Variants in RWDD3 observed in about 807,000 individuals in gnomAD.
RWDD3 encodes RWD domain containing 3, also known as RWD domain-containing protein 3.
A neutral mutation model predicts 26.5 loss-of-function variants in RWDD3; 30 were observed. That is an observed-to-expected ratio of 1.13 (90% CI 0.85 to 1.54). The LOEUF is 1.54. RWDD3 is among the 40% of genes most tolerant of loss of function. The pLI, the probability that RWDD3 is intolerant of heterozygous loss-of-function variation, is 0.00. For missense variants in RWDD3, 296 were observed against 309.1 expected (o/e 0.96, Z 0.32); for synonymous variants, 113 against 114.5 (o/e 0.99, Z 0.09).
intron 2 of RWDD3, 29 bp downstream of exon 2, chr1:95,244,727 A>G (rs762759972): frequency 6.3e-7 from 1 of 1,597,808 alleles, no homozygotes; most frequent in East Asian, 2.2e-5. Flanking sequence ...TTGAGTATGA[A>G]TCTGGCTATT....
At chr1:95,242,022 A>G (rs2101113644) in intron 1 of RWDD3, among the ~76,000 whole-genome samples, 1 of 152,270 alleles carries the variant, frequency 6.6e-6, no homozygotes, top group Non-Finnish European at 1.5e-5. Context: ...GGCTGCTTTC[A>G]GCCAAATCTT....
chr1:95,241,972 T>C (rs1360094051), intron 1 of RWDD3, among the ~76,000 whole-genome samples: 2 of 152,192 alleles, frequency 1.3e-5, no homozygotes, highest in East Asian at 3.9e-4. Flanking sequence ...ATTCCCTTGT[T>C]ATTTGCTCTT....
chr1:95,234,958 T>A (rs1396302530), intron 1 of RWDD3, among the ~76,000 whole-genome samples: 1 of 152,086 alleles, frequency 6.6e-6, no homozygotes, highest in Non-Finnish European at 1.5e-5. Flanking sequence ...AGTGGATCCA[T>A]CTGGACTCAC....
At chr1:95,241,744 C>T (rs1311962747) in intron 1 of RWDD3, among the ~76,000 whole-genome samples, 1 of 152,162 alleles carries the variant, frequency 6.6e-6, no homozygotes, top group Non-Finnish European at 1.5e-5. Flanking sequence ...GGGTTCTGCT[C>T]CTGAATCTGC....
chr1:95,241,621 C>T (rs1479823096), intron 1 of RWDD3, among the ~76,000 whole-genome samples: 2 of 152,202 alleles, frequency 1.3e-5, no homozygotes, highest in African/African-American at 4.8e-5. Context: ...GCCCTTTGCT[C>T]AGAAGGCATT....
At chr1:95,242,886 TC>T (rs989778448) in intron 1 of RWDD3, among the ~76,000 whole-genome samples, 11 of 151,746 alleles carry the variant, frequency 7.2e-5, no homozygotes, top group Non-Finnish European at 1.3e-4. Context: ...GCCACTGCAC[TC>T]CAGCCTGGGC....
Position 95,234,325 on chromosome 1 carries a change from C to A in RWDD3, c.85+10C>A, listed in dbSNP as rs753247419. ...GTGCTGAGCCGCTCAGGTGACTACC[C>A]GCGCGCGGGAGGGACAGGGCGCCCT... On this transcript the variant is annotated intron_variant, in intron 1 of 3. Coordinates refer to ENST00000370202, the MANE Select transcript of RWDD3 (RefSeq NM_015485.5). 2 of 1,583,816 alleles carry A rather than the reference C, an allele frequency of 1.3e-6. No individual in the cohort carries two copies. Among genetic ancestry groups the A allele is most frequent in the Admixed American group, 3.6e-5 (2 of 56,024 alleles).
At chr1:95,239,880 C>G in intron 1 of RWDD3, 1 of 1,289,792 alleles carries the variant, frequency 7.8e-7, no homozygotes, top group South Asian at 1.2e-5. Flanking sequence ...ATGTTTCTTT[C>G]CTGTGGTTCC....
At chr1:95,234,400 G>A (rs1226472406) in intron 1 of RWDD3, 85 bp downstream of exon 1, 1 of 1,309,184 alleles carries the variant, frequency 7.6e-7, no homozygotes, top group Non-Finnish European at 1.1e-6. Context: ...ACGGAGCCTG[G>A]GCACCCCGCC....
chr1:95,238,050 G>A (rs1401815839), intron 1 of RWDD3, among the ~76,000 whole-genome samples: 1 of 152,142 alleles, frequency 6.6e-6, no homozygotes. Context: ...TCTATGAGAG[G>A]CGTGAGATTG....
chr1:95,238,880 T>G (rs996493432), intron 1 of RWDD3, among the ~76,000 whole-genome samples: 85 of 152,286 alleles, frequency 5.6e-4, no homozygotes, highest in African/African-American at 2.0e-3. Flanking sequence ...CTGTTTGGAA[T>G]GTGTTTAGGA....
At chr1:95,234,442 A>C in intron 1 of RWDD3, 127 bp downstream of exon 1, 1 of 827,482 alleles carries the variant, frequency 1.2e-6, no homozygotes, top group Non-Finnish European at 1.9e-6. Context: ...GGTTAGTTGA[A>C]TGATGGAATG....
intron 2 of RWDD3, among the ~76,000 whole-genome samples, chr1:95,245,737 A>G (rs1680826929): frequency 6.6e-6 from 1 of 152,160 alleles, no homozygotes; most frequent in South Asian, 2.1e-4. Context: ...GTAGCTGACA[A>G]AAAATAAATA....
intron 2 of RWDD3, among the ~76,000 whole-genome samples, chr1:95,245,533 A>G (rs1411742527): frequency 1.3e-5 from 2 of 152,194 alleles, no homozygotes; most frequent in African/African-American, 4.8e-5. Context: ...ATAATGACTT[A>G]GTTTTTTCAT....
rs755719738 is a variant in RWDD3 at position 95,244,317 on chromosome 1, T to C, written c.192T>C (p.Cys64=). 2.5e-6 allele frequency: 4 copies of C among 1,614,114 alleles called. No homozygotes were observed. The highest frequency in any genetic ancestry group is 3.4e-6 in the Non-Finnish European group (4 of 1,180,048). Residue 64 remains cysteine, a synonymous_variant, in exon 2 of 4, where the codon TGT becomes TGC. Transcript: ENST00000370202. ...ATTTGCCAGTCAATTATCCTTCATG[T>C]CTACCTGGTATCTCGATTAACTCTG... ...VFHLPVNYPS[C]LPGISINSEQ...
In RWDD3 at chr1:95,246,925, T is replaced by C. The variant is rs1680875887; in HGVS notation, c.*55T>C. ...AGCAGTGTTTTTTGTTGTTTTTGCA[T>C]TGGATTTGGGGAGTGGTTAATTGAA... On this transcript the variant is annotated 3_prime_UTR_variant, in exon 4 of 4. Coordinates refer to ENST00000370202, the MANE Select transcript of RWDD3 (RefSeq NM_015485.5). 3.6e-6 allele frequency: 4 copies of C among 1,120,638 alleles called. No homozygotes were observed. The Admixed American group carries it at 8.5e-5, about 24-fold the overall frequency. The allele number at this position is 1,120,638 out of a possible 1,614,324, so 69.4% of individuals were successfully genotyped here. A position where few individuals can be genotyped will look rare whatever the true frequency, so the allele number is the denominator to read the frequency against.
In RWDD3 at chr1:95,238,497, TTGCCTGGGAGC is replaced by T. The variant is rs1244826337; in HGVS notation, c.85+4194_85+4204del. Reference sequence around the variant, plus strand: ...GCATAAAACAAGCACTGGTGTATGCTTGCCTGGGAGCTGCCTGGGAGCAAGAGGAGACAGTC... The same window carrying T: ...GCATAAAACAAGCACTGGTGTATGCTTGCCTGGGAGCAAGAGGAGACAGTC... On this transcript the variant is annotated intron_variant, in intron 1 of 3. Coordinates refer to ENST00000370202, the MANE Select transcript of RWDD3 (RefSeq NM_015485.5). 1.2e-4 allele frequency among the ~76,000 whole-genome samples: 18 copies of T among 152,068 alleles called. No individual in the cohort carries two copies. In the South Asian group the frequency reaches 2.9e-3, roughly 25 times the overall value.
intron 1 of RWDD3, among the ~76,000 whole-genome samples, chr1:95,236,387 T>C (rs1245928410): frequency 6.6e-6 from 1 of 152,132 alleles, no homozygotes; most frequent in African/African-American, 2.4e-5. Context: ...GAAAACCATT[T>C]AAGATTAAGA....
At chr1:95,234,578 C>A (rs1680202794) in intron 1 of RWDD3, among the ~76,000 whole-genome samples, 2 of 152,084 alleles carry the variant, frequency 1.3e-5, no homozygotes, top group South Asian at 2.1e-4. Context: ...CCGGGGGCCC[C>A]TGCGTGCGCA....
Sources: gnomAD v4.1 joint callset for allele counts (sites outside exome capture counted in the v4.1 genomes callset) on GRCh38, gnomAD v4.1.1 for gene constraint, MANE v1.5 for transcripts, NCBI Gene and HGNC (gene_info 2026-07-23, HGNC 2026-07-21) for gene names.